Variants in TAF11L4 observed in about 807,000 individuals in gnomAD.
The protein encoded by TAF11L4 is TATA-box binding protein associated factor 11 like 4.
the TAF11L4 span, chr5:17,522,301 GC>G: frequency 1.1e-5 from 1 of 93,826 alleles, no homozygotes; most frequent in Non-Finnish European, 1.8e-5. Flanking sequence ...GGGGAGAGAC[GC>G]CCCCGCTGCA....
Sources: gnomAD v4.1 joint callset for allele counts on GRCh38, gnomAD v4.1.1 for gene constraint, MANE v1.5 for transcripts, NCBI Gene and HGNC (gene_info 2026-07-23, HGNC 2026-07-21) for gene names.